Variants in ERC2 observed in about 807,000 individuals in gnomAD.
The protein encoded by ERC2 is ERC protein 2.
Under a neutral mutation model 114.8 loss-of-function variants are expected in ERC2, and 42 were observed. The observed-to-expected ratio is 0.37, with a 90% CI of 0.29 to 0.47. The LOEUF (loss-of-function observed/expected upper bound fraction) is 0.47. Among genes scored for constraint, ERC2 ranks in the 20% least tolerant of loss-of-function variants. The pLI is 0.99. For missense variants in ERC2, 939 were observed against 1,150.7 expected (o/e 0.82, Z 2.66); for synonymous variants, 454 against 425.5 (o/e 1.07, Z -0.82).
chr3:55,944,888 C>G (rs890083882), intron 13 of ERC2, among the ~76,000 whole-genome samples: 1 of 152,154 alleles, frequency 6.6e-6, no homozygotes, highest in African/African-American at 2.4e-5. Flanking sequence ...ATTCCTTGTC[C>G]TCTGTAGACT....
intron 14 of ERC2, among the ~76,000 whole-genome samples, chr3:55,861,298 G>A (rs963773637): frequency 6.6e-6 from 1 of 152,132 alleles, no homozygotes; most frequent in Non-Finnish European, 1.5e-5. Context: ...TCCTTACTAC[G>A]GATCTCATGG....
intron 17 of ERC2, among the ~76,000 whole-genome samples, chr3:55,527,161 A>T (rs2053376911): frequency 6.6e-6 from 1 of 152,234 alleles, no homozygotes; most frequent in East Asian, 1.9e-4. Context: ...TTTGAGTCCA[A>T]TCGTGGCTTA....
At chr3:56,213,291 C>A (rs1406387611) in intron 3 of ERC2, among the ~76,000 whole-genome samples, 1 of 152,142 alleles carries the variant, frequency 6.6e-6, no homozygotes, top group Non-Finnish European at 1.5e-5. Flanking sequence ...ACAGATGGCA[C>A]CTGGAAAACT....
chr3:56,119,506 CA>C (rs1358804131), intron 6 of ERC2, among the ~76,000 whole-genome samples: 4 of 152,324 alleles, frequency 2.6e-5, no homozygotes, highest in Middle Eastern at 3.4e-3. Flanking sequence ...ACAGATTAAG[CA>C]TCTTTTCCCA....
chr3:56,248,647 T>C (rs563318664), intron 3 of ERC2, among the ~76,000 whole-genome samples: 8 of 152,334 alleles, frequency 5.3e-5, no homozygotes, highest in African/African-American at 1.7e-4. Context: ...GGCAAAGACA[T>C]ATTTGCTTCT....
intron 13 of ERC2, among the ~76,000 whole-genome samples, chr3:55,912,621 C>T: frequency 1.3e-5 from 2 of 152,166 alleles, no homozygotes; most frequent in Middle Eastern, 6.8e-3. Flanking sequence ...TACATATACA[C>T]ATATTTGTAC....
At chr3:55,944,783 G>A (rs1056335888) in intron 13 of ERC2, among the ~76,000 whole-genome samples, 44 of 151,990 alleles carry the variant, frequency 2.9e-4, no homozygotes, top group African/African-American at 9.4e-4. Context: ...TTTTTGGCTC[G>A]CGGAGGATTA....
At chr3:56,139,276 A>G (rs1231298878) in intron 6 of ERC2, among the ~76,000 whole-genome samples, 1 of 152,264 alleles carries the variant, frequency 6.6e-6, no homozygotes, top group Non-Finnish European at 1.5e-5. Context: ...AAATTTTTTT[A>G]ATGCAAAAAT....
At chr3:55,750,603 G>A (rs56062600) in intron 14 of ERC2, among the ~76,000 whole-genome samples, 33,116 of 152,122 alleles carry the variant, frequency 0.22, 4,123 homozygotes, top group Admixed American at 0.31. Context: ...GAAGGGCTCT[G>A]GAAGGAAAAG....
intron 2 of ERC2, among the ~76,000 whole-genome samples, chr3:56,339,828 G>A (rs2058015086): frequency 6.6e-6 from 1 of 152,136 alleles, no homozygotes; most frequent in Admixed American, 6.5e-5. Context: ...ACAGACCAGT[G>A]GTCTTGAAAG....
At chr3:56,216,685 C>CA (rs1007108437) in intron 3 of ERC2, among the ~76,000 whole-genome samples, 5 of 151,864 alleles carry the variant, frequency 3.3e-5, no homozygotes, top group African/African-American at 7.3e-5. Flanking sequence ...AGAGACACAA[C>CA]AAAAAAAGAG....
chr3:55,920,490 G>T (rs2065361694), intron 13 of ERC2, among the ~76,000 whole-genome samples: 1 of 150,552 alleles, frequency 6.6e-6, no homozygotes, highest in African/African-American at 2.4e-5. Flanking sequence ...AAACTCAACA[G>T]GCATCTGGGT....
At chr3:56,411,566 C>A (rs776782372) in intron 2 of ERC2, among the ~76,000 whole-genome samples, 9 of 152,078 alleles carry the variant, frequency 5.9e-5, no homozygotes, top group Non-Finnish European at 8.8e-5. Flanking sequence ...AAGTCATATG[C>A]ATAAACTTCA....
At chr3:56,322,129 A>T (rs1314829968) in intron 2 of ERC2, among the ~76,000 whole-genome samples, 1 of 152,200 alleles carries the variant, frequency 6.6e-6, no homozygotes. Flanking sequence ...AAATGAGCTA[A>T]CAACTACACT....
At chr3:56,363,702 A>G (rs1247828199) in intron 2 of ERC2, among the ~76,000 whole-genome samples, 2 of 152,050 alleles carry the variant, frequency 1.3e-5, no homozygotes, top group Non-Finnish European at 2.9e-5. Flanking sequence ...CAAAACTACA[A>G]ATTAGTCTTC....
chr3:56,129,404 C>T (rs1406348129), intron 6 of ERC2, among the ~76,000 whole-genome samples: 1 of 152,094 alleles, frequency 6.6e-6, no homozygotes, highest in Non-Finnish European at 1.5e-5. Flanking sequence ...CCAAATGGTG[C>T]CCCTCCAAAG....
chr3:55,977,034 G>C (rs928380440), intron 12 of ERC2, among the ~76,000 whole-genome samples: 1 of 152,200 alleles, frequency 6.6e-6, no homozygotes, highest in South Asian at 2.1e-4. Flanking sequence ...TCAGAAAGCA[G>C]GCGCTCACCA....
intron 14 of ERC2, among the ~76,000 whole-genome samples, chr3:55,748,815 C>T (rs899535024): frequency 6.6e-6 from 1 of 152,152 alleles, no homozygotes; most frequent in Non-Finnish European, 1.5e-5. Flanking sequence ...ACCTCATAGT[C>T]ATAGCTACTA....
intron 17 of ERC2, among the ~76,000 whole-genome samples, chr3:55,668,629 C>T (rs899326368): frequency 3.3e-5 from 5 of 152,156 alleles, no homozygotes; most frequent in African/African-American, 1.2e-4. Context: ...TTGTGTGTTG[C>T]CCCTCTTGAC....
Sources: gnomAD v4.1 joint callset for allele counts (sites outside exome capture counted in the v4.1 genomes callset) on GRCh38, gnomAD v4.1.1 for gene constraint, MANE v1.5 for transcripts, NCBI Gene and HGNC (gene_info 2026-07-23, HGNC 2026-07-21) for gene names.